Variants in SFMBT2 observed in about 807,000 individuals in gnomAD.
The protein encoded by SFMBT2 is scm-like with four MBT domains protein 2.
A neutral mutation model predicts 110.1 loss-of-function variants in SFMBT2; 38 were observed. That is an observed-to-expected ratio of 0.35 (90% CI 0.27 to 0.45). The LOEUF is 0.45. Among genes scored for constraint, SFMBT2 ranks in the 20% least tolerant of loss-of-function variants. SFMBT2 has a pLI of 1.00. For missense variants in SFMBT2, 1,011 were observed against 1,094.9 expected (o/e 0.92, Z 1.08); for synonymous variants, 425 against 425.4 (o/e 1.00, Z 0.01).
At chr10:7,399,612 A>G (rs1375982593) in intron 1 of SFMBT2, among the ~76,000 whole-genome samples, 1 of 152,254 alleles carries the variant, frequency 6.6e-6, no homozygotes, top group Admixed American at 6.5e-5. Context: ...CATTATATAA[A>G]GTAAATAAAA....
chr10:7,171,724 C>A lies in SFMBT2; in HGVS notation c.2415+171G>T, dbSNP rs1837876617. Reference sequence around the variant, plus strand: ...TCCATTCTGATGCCGAAAGGCCCCTCCACCCAGAGGTGAAGTGCCAGCCTT... The same window carrying A: ...TCCATTCTGATGCCGAAAGGCCCCTACACCCAGAGGTGAAGTGCCAGCCTT... On this transcript the variant is annotated intron_variant, in intron 19 of 20. Transcript: ENST00000397167. The surrounding 1 kb of genome is among the most constrained non-coding windows in gnomAD (Gnocchi z 4.9). Among the ~76,000 whole-genome samples the A allele has an allele frequency of 6.6e-6, 1 of 152,244 alleles. No individual in the cohort carries two copies. The highest frequency in any genetic ancestry group is 2.1e-4 in the South Asian group (1 of 4,838).
intron 7 of SFMBT2, among the ~76,000 whole-genome samples, chr10:7,257,952 T>C (rs1205623982): frequency 6.6e-6 from 1 of 152,154 alleles, no homozygotes; most frequent in Non-Finnish European, 1.5e-5. Flanking sequence ...TCTTTTTTCA[T>C]TGAGGTAGGG....
At chr10:7,183,921 G>A (rs751829881) in intron 16 of SFMBT2, among the ~76,000 whole-genome samples, 17 of 152,166 alleles carry the variant, frequency 1.1e-4, no homozygotes, top group Non-Finnish European at 2.2e-4. Flanking sequence ...CCCTCGGTAT[G>A]AGGGTTACAC....
chr10:7,164,785 ACACAC>A lies in SFMBT2; in HGVS notation c.2545-880_2545-876del, dbSNP rs1182105559. Among the ~76,000 whole-genome samples, 9 of 144,778 alleles carry A rather than the reference ACACAC, an allele frequency of 6.2e-5. No homozygotes were observed. In the East Asian group the frequency reaches 9.8e-4, roughly 16 times the overall value. The allele number at this position is 144,778 out of a possible 152,430, so 95.0% of individuals were successfully genotyped here. ...CACACACACACACACACACACACAC[ACACAC>A]ACCATTTACAGACACACACTCCCCA... On this transcript the variant is annotated intron_variant, in intron 20 of 20. Transcript: ENST00000397167.
At chr10:7,184,529 G>A (rs1343229096) in intron 16 of SFMBT2, among the ~76,000 whole-genome samples, 4 of 152,044 alleles carry the variant, frequency 2.6e-5, no homozygotes, top group African/African-American at 9.7e-5. Context: ...GTCTTTATCA[G>A]CGGCATGAAA....
intron 1 of SFMBT2, among the ~76,000 whole-genome samples, chr10:7,385,020 C>T (rs1012099915): frequency 5.3e-5 from 8 of 152,218 alleles, no homozygotes; most frequent in Non-Finnish European, 1.0e-4. Flanking sequence ...GTCTTCTGCG[C>T]TACACCTGGA....
chr10:7,185,682 T>C (rs1233271406), intron 16 of SFMBT2, among the ~76,000 whole-genome samples: 1 of 152,240 alleles, frequency 6.6e-6, no homozygotes, highest in African/African-American at 2.4e-5. Flanking sequence ...AGAAGAATTA[T>C]TAAGCTTCTG....
At chr10:7,280,566 G>C (rs1191639407) in intron 6 of SFMBT2, among the ~76,000 whole-genome samples, 1 of 152,096 alleles carries the variant, frequency 6.6e-6, no homozygotes, top group Admixed American at 6.5e-5. Flanking sequence ...CTTCTTAAAC[G>C]ACCCTAACCT....
intron 1 of SFMBT2, among the ~76,000 whole-genome samples, chr10:7,407,439 G>A (rs1336996064): frequency 6.6e-6 from 1 of 152,142 alleles, no homozygotes; most frequent in Admixed American, 6.5e-5. Context: ...GATCCAAGAG[G>A]GGTCGGCCTC....
intron 4 of SFMBT2, among the ~76,000 whole-genome samples, chr10:7,316,425 G>A (rs577846166): frequency 7.2e-5 from 11 of 152,294 alleles, no homozygotes; most frequent in South Asian, 4.1e-4. Flanking sequence ...AAAGGGAAGC[G>A]CCAATGGGTC....
chr10:7,329,199 G>C (rs545526171), intron 4 of SFMBT2, among the ~76,000 whole-genome samples: 17 of 152,336 alleles, frequency 1.1e-4, no homozygotes, highest in South Asian at 2.1e-4. Context: ...AGGCTAAAAT[G>C]ACAGCGGACA....
chr10:7,232,918 T>C (rs1840147331), intron 9 of SFMBT2, among the ~76,000 whole-genome samples: 1 of 152,188 alleles, frequency 6.6e-6, no homozygotes. Flanking sequence ...AGTAGAATCC[T>C]GACTTTATCC....
chr10:7,224,665 T>G (rs1159464887), intron 10 of SFMBT2, among the ~76,000 whole-genome samples: 1 of 152,200 alleles, frequency 6.6e-6, no homozygotes, highest in Non-Finnish European at 1.5e-5. Flanking sequence ...ACTTTAGAGC[T>G]GCTCTACAGG....
At chr10:7,189,962 C>T (rs999482406) in intron 15 of SFMBT2, among the ~76,000 whole-genome samples, 1 of 152,176 alleles carries the variant, frequency 6.6e-6, no homozygotes, top group Non-Finnish European at 1.5e-5. Context: ...TGTTCTGGAA[C>T]GTAACCAGCT....
At chr10:7,205,270 T>A in intron 12 of SFMBT2, 1 of 311,442 alleles carries the variant, frequency 3.2e-6, no homozygotes, top group Non-Finnish European at 4.7e-6. Flanking sequence ...CTTCTTTTTT[T>A]ACGTATATAC....
intron 16 of SFMBT2, among the ~76,000 whole-genome samples, chr10:7,185,139 T>A (rs1336459511): frequency 6.6e-6 from 1 of 152,200 alleles, no homozygotes; most frequent in Non-Finnish European, 1.5e-5. Flanking sequence ...CTCCAGAATG[T>A]CTTAAGCTGG....
intron 4 of SFMBT2, among the ~76,000 whole-genome samples, chr10:7,361,836 C>G (rs1297907647): frequency 2.0e-5 from 3 of 152,200 alleles, no homozygotes; most frequent in Non-Finnish European, 1.5e-5. Flanking sequence ...CATCATCACA[C>G]ATACTTACCT....
chr10:7,205,349 C>T (rs1839094386), intron 12 of SFMBT2: 12 of 964,014 alleles, frequency 1.2e-5, no homozygotes, highest in Non-Finnish European at 1.5e-5. Context: ...CCTTGGCCTC[C>T]CAAAGTACTG....
At chr10:7,314,191 C>G (rs1170166255) in intron 4 of SFMBT2, among the ~76,000 whole-genome samples, 1 of 152,186 alleles carries the variant, frequency 6.6e-6, no homozygotes, top group African/African-American at 2.4e-5. Flanking sequence ...CTAGCATTTT[C>G]CTTCAATAGA....
Sources: allele counts gnomAD v4.1 joint callset (sites outside exome capture counted in the v4.1 genomes callset), GRCh38; gene constraint gnomAD v4.1.1; non-coding constraint Gnocchi (gnomAD v3.1); transcripts MANE v1.5; gene names NCBI Gene and HGNC (gene_info 2026-07-23, HGNC 2026-07-21).